Variants in JAZF1 observed in about 807,000 individuals in gnomAD.
JAZF1 encodes JAZF zinc finger 1, also known as juxtaposed with another zinc finger protein 1.
Under a neutral mutation model 26.4 loss-of-function variants are expected in JAZF1, and 8 were observed. That is an observed-to-expected ratio of 0.30 (90% CI 0.18 to 0.55). The LOEUF (loss-of-function observed/expected upper bound fraction) is 0.55. Among genes scored for constraint, JAZF1 ranks in the 20% least tolerant of loss-of-function variants. The pLI is 0.94. For missense variants in JAZF1, 199 were observed against 322.0 expected (o/e 0.62, Z 2.92); for synonymous variants, 126 against 122.3 (o/e 1.03, Z -0.20).
chr7:27,869,649 G>A (rs1042141624), intron 3 of JAZF1, among the ~76,000 whole-genome samples: 4 of 152,108 alleles, frequency 2.6e-5, no homozygotes, highest in African/African-American at 4.8e-5. Flanking sequence ...CATCCAGGAC[G>A]GGGCAGGCCA....
intron 2 of JAZF1, among the ~76,000 whole-genome samples, chr7:27,971,603 T>C (rs1430701581): frequency 6.6e-6 from 1 of 152,172 alleles, no homozygotes; most frequent in East Asian, 1.9e-4. Context: ...CAAATGGGAA[T>C]GCACTAGAGC....
chr7:28,172,633 C>T (rs893202272), intron 1 of JAZF1, among the ~76,000 whole-genome samples: 2 of 152,186 alleles, frequency 1.3e-5, no homozygotes, highest in Non-Finnish European at 2.9e-5. Context: ...GAATTTTACA[C>T]ATCTAACAAG....
At position 27,942,473 on chromosome 7, in the gene JAZF1, T is replaced by TTAC. The variant is rs1668360174; in HGVS notation, c.189-47060_189-47058dup. 3.9e-5 allele frequency among the ~76,000 whole-genome samples: 6 copies of TTAC among 152,242 alleles called. No individual in the cohort carries two copies. The South Asian group carries it at 1.2e-3, about 31-fold the overall frequency. On this transcript the variant is annotated intron_variant, in intron 2 of 4. Coordinates refer to ENST00000283928, the MANE Select transcript of JAZF1 (RefSeq NM_175061.4). ...GAGTAGCATTTATTTAACTGAGCAT[T>TTAC]TACTACGTGCCAGTCACCATGGGGA...
chr7:28,004,001 C>T (rs1294932441), intron 1 of JAZF1, among the ~76,000 whole-genome samples: 1 of 152,066 alleles, frequency 6.6e-6, no homozygotes, highest in Non-Finnish European at 1.5e-5. Flanking sequence ...TCCTGCCTGC[C>T]CCTACCCACC....
intron 1 of JAZF1, among the ~76,000 whole-genome samples, chr7:28,019,924 G>A (rs1782974084): frequency 6.6e-6 from 1 of 152,098 alleles, no homozygotes; most frequent in Non-Finnish European, 1.5e-5. Flanking sequence ...TGTAGGAAAG[G>A]TATTATAATT....
At chr7:28,031,905 G>C (rs1485622769) in intron 1 of JAZF1, among the ~76,000 whole-genome samples, 1 of 152,084 alleles carries the variant, frequency 6.6e-6, no homozygotes, top group Non-Finnish European at 1.5e-5. Context: ...AAGAAAATGG[G>C]CTTCTTTTCT....
intron 1 of JAZF1, among the ~76,000 whole-genome samples, chr7:28,069,949 C>CCAGG (rs917546210): frequency 5.3e-5 from 8 of 152,126 alleles, no homozygotes; most frequent in African/African-American, 1.9e-4. Flanking sequence ...TGGGATGAAG[C>CCAGG]CAGGACCTGG....
At chr7:27,972,924 CAT>C (rs888880787) in intron 2 of JAZF1, among the ~76,000 whole-genome samples, 2 of 142,548 alleles carry the variant, frequency 1.4e-5, no homozygotes, top group Non-Finnish European at 1.5e-5. Context: ...ATATTTTATG[CAT>C]ATATATGTAT....
intron 1 of JAZF1, among the ~76,000 whole-genome samples, chr7:28,124,896 A>G (rs1310431143): frequency 1.3e-5 from 2 of 152,232 alleles, no homozygotes; most frequent in East Asian, 3.9e-4. Flanking sequence ...TCAAAGGGGC[A>G]TTACAGTAGC....
chr7:27,903,607 C>A (rs1430994680), intron 2 of JAZF1, among the ~76,000 whole-genome samples: 1 of 152,236 alleles, frequency 6.6e-6, no homozygotes, highest in African/African-American at 2.4e-5. Context: ...TCTCATTAGA[C>A]AACACGCTGG....
chr7:27,981,335 T>A (rs1310667383), intron 2 of JAZF1, among the ~76,000 whole-genome samples: 2 of 152,156 alleles, frequency 1.3e-5, no homozygotes, highest in Non-Finnish European at 2.9e-5. Context: ...GGTAGAAACA[T>A]TCTGTGGGAC....
chr7:28,142,078 T>C (rs1276218106), intron 1 of JAZF1, among the ~76,000 whole-genome samples: 2 of 152,208 alleles, frequency 1.3e-5, no homozygotes, highest in African/African-American at 2.4e-5. Flanking sequence ...TATGATTAAA[T>C]GAAATAAAAT....
chr7:28,158,061 G>C (rs1287224621), intron 1 of JAZF1, among the ~76,000 whole-genome samples: 1 of 151,864 alleles, frequency 6.6e-6, no homozygotes, highest in Non-Finnish European at 1.5e-5. Context: ...CCCTGCAGGG[G>C]GAATTATACT....
intron 3 of JAZF1, among the ~76,000 whole-genome samples, chr7:27,864,671 A>G (rs1159782668): frequency 6.6e-6 from 1 of 152,074 alleles, no homozygotes; most frequent in Non-Finnish European, 1.5e-5. Flanking sequence ...TATTGTTCCC[A>G]TATGTTGTTT....
At chr7:27,993,316 A>G (rs1292104093) in intron 1 of JAZF1, among the ~76,000 whole-genome samples, 2 of 152,196 alleles carry the variant, frequency 1.3e-5, no homozygotes. Flanking sequence ...AAATGAGAAC[A>G]GATCAGTAGC....
chr7:27,950,068 T>C (rs1784984461), intron 2 of JAZF1, among the ~76,000 whole-genome samples: 1 of 152,256 alleles, frequency 6.6e-6, no homozygotes, highest in Admixed American at 6.5e-5. Flanking sequence ...TCCACTCCTC[T>C]TTGTGAAACA....
chr7:28,032,759 T>C (rs1783213095), intron 1 of JAZF1, among the ~76,000 whole-genome samples: 1 of 152,194 alleles, frequency 6.6e-6, no homozygotes, highest in Admixed American at 6.5e-5. Context: ...TGAGTTTGGA[T>C]AATTCTAGCC....
rs78758681 is a variant in JAZF1, at chr7:27,937,949, T to C, written c.189-42533A>G. On this transcript the variant is annotated intron_variant, in intron 2 of 4. Transcript: ENST00000283928. ...TTGGTGCATTTTCTTTAGCAACTTTTTTTTCTTCTTAAACTTAGCAATAGA... is the reference window on the plus strand; with the variant it reads ...TTGGTGCATTTTCTTTAGCAACTTTCTTTTCTTCTTAAACTTAGCAATAGA... Among the ~76,000 whole-genome samples the C allele has an allele frequency of 2.8e-4, 43 of 152,342 alleles. No individual in the cohort carries two copies. The East Asian group carries it at 7.9e-3, about 28-fold the overall frequency.
chr7:28,122,728 G>A (rs1164832891), intron 1 of JAZF1, among the ~76,000 whole-genome samples: 3 of 152,044 alleles, frequency 2.0e-5, no homozygotes, highest in Non-Finnish European at 4.4e-5. Flanking sequence ...ACTCAAGCAG[G>A]GACGCAGCAC....
Sources: gnomAD v4.1 joint callset for allele counts (sites outside exome capture counted in the v4.1 genomes callset) on GRCh38, gnomAD v4.1.1 for gene constraint, MANE v1.5 for transcripts, NCBI Gene and HGNC (gene_info 2026-07-23, HGNC 2026-07-21) for gene names.